Variants in DLGAP1 observed in about 807,000 individuals in gnomAD.
DLGAP1 encodes disks large-associated protein 1.
DLGAP1 carries 11 observed loss-of-function variants against 90.8 expected under a neutral mutation model. The ratio of observed to expected loss-of-function variants is 0.12; its 90% CI spans 0.08 to 0.20. DLGAP1 has a LOEUF of 0.20. DLGAP1 is among the 10% of genes least tolerant of loss of function. The probability of loss-of-function intolerance (pLI) is 1.00; values close to 1 mark genes in which losing one functional copy is unlikely to be tolerated. For missense variants in DLGAP1, 1,050 were observed against 1,333.8 expected (o/e 0.79, Z 3.31); for synonymous variants, 558 against 540.7 (o/e 1.03, Z -0.44).
chr18:3,520,702 GAA>G (rs1045871316), intron 10 of DLGAP1, among the ~76,000 whole-genome samples: 2 of 152,218 alleles, frequency 1.3e-5, no homozygotes, highest in Non-Finnish European at 2.9e-5. Context: ...AAAACTGTGA[GAA>G]AATTAATTTC....
intron 3 of DLGAP1, among the ~76,000 whole-genome samples, chr18:3,900,636 T>G (rs1249377448): frequency 6.6e-6 from 1 of 152,166 alleles, no homozygotes; most frequent in African/African-American, 2.4e-5. Context: ...AATAAATGGA[T>G]ACTCCAAGAC....
At chr18:4,453,675 C>A (rs1187155218) in intron 1 of DLGAP1, among the ~76,000 whole-genome samples, 1 of 152,196 alleles carries the variant, frequency 6.6e-6, no homozygotes, top group Non-Finnish European at 1.5e-5. Flanking sequence ...TCTATCCTCA[C>A]CTTCTACGAA....
At chr18:4,188,172 G>A (rs888555213) in intron 1 of DLGAP1, among the ~76,000 whole-genome samples, 25 of 151,642 alleles carry the variant, frequency 1.6e-4, no homozygotes, top group Admixed American at 1.1e-3. Flanking sequence ...TTGTATTTCC[G>A]TGCTCTAATT....
At chr18:3,592,877 AGAAAGAAAAAG>A (rs2056346196) in intron 7 of DLGAP1, among the ~76,000 whole-genome samples, 3 of 41,172 alleles carry the variant, frequency 7.3e-5, no homozygotes, top group African/African-American at 1.2e-4. Flanking sequence ...AGAAAAAGAA[AGAAAGAAAAAG>A]AAAAAGAAAA....
In DLGAP1 at chr18:3,729,166, G is replaced by A. The variant is rs757110877; in HGVS notation, c.1560C>T (p.Thr520=). ...SLRSSSPPRT[T]TTVRTIQSST... is the part of the protein sequence containing the mutation. ...TGCTCTGGATGGTCCTAACGGTGGTGGTGGTGCGCGGCGGCGAGGACGACC... is the reference window on the plus strand; with the variant it reads ...TGCTCTGGATGGTCCTAACGGTGGTAGTGGTGCGCGGCGGCGAGGACGACC... The change falls in exon 7 of 13, where the codon ACC becomes ACT. Residue 520 remains threonine (T), a synonymous_variant. Coordinates refer to ENST00000315677, the MANE Select transcript of DLGAP1 (RefSeq NM_004746.4). This position sits in a 1 kb window ranked among gnomAD's most constrained non-coding sequence, Gnocchi z 6.2. The A allele has an allele frequency of 6.2e-7, 1 of 1,613,128 alleles. No homozygotes were observed. Among genetic ancestry groups the A allele is most frequent in the Non-Finnish European group, 8.5e-7 (1 of 1,179,792 alleles).
intron 5 of DLGAP1, among the ~76,000 whole-genome samples, chr18:3,812,978 G>A (rs1432692893): frequency 1.3e-5 from 2 of 152,016 alleles, no homozygotes; most frequent in Non-Finnish European, 2.9e-5. Context: ...ATATTTTTCA[G>A]GTCCAAATGG....
At chr18:3,955,200 A>C (rs146932070) in intron 3 of DLGAP1, among the ~76,000 whole-genome samples, 1,673 of 152,284 alleles carry the variant, frequency 0.011, 97 homozygotes, top group Admixed American at 0.094. Flanking sequence ...TAGTGTGCTC[A>C]AAGACCTCTT....
intron 3 of DLGAP1, chr18:3,978,107 C>T (rs541571181): frequency 8.4e-5 from 37 of 438,380 alleles, no homozygotes; most frequent in South Asian, 5.8e-4. Context: ...GGACCATGGC[C>T]ATGAGTCCTT....
chr18:3,558,629 C>T (rs1448740759), intron 9 of DLGAP1, among the ~76,000 whole-genome samples: 5 of 152,086 alleles, frequency 3.3e-5, no homozygotes, highest in African/African-American at 1.2e-4. Context: ...TCATCTTTAT[C>T]CCTGATAATT....
chr18:3,702,144 C>T (rs1019274953), intron 7 of DLGAP1, among the ~76,000 whole-genome samples: 3 of 152,096 alleles, frequency 2.0e-5, no homozygotes, highest in Non-Finnish European at 2.9e-5. Flanking sequence ...CTTTGCCTCC[C>T]GGGTTCAAGC....
At chr18:4,215,880 G>C (rs2077943706) in intron 1 of DLGAP1, among the ~76,000 whole-genome samples, 1 of 152,082 alleles carries the variant, frequency 6.6e-6, no homozygotes, top group African/African-American at 2.4e-5. Context: ...TGGGTAGGAA[G>C]ATGCAGACTG....
chr18:3,933,602 C>T (rs2072567397), intron 3 of DLGAP1, among the ~76,000 whole-genome samples: 1 of 152,234 alleles, frequency 6.6e-6, no homozygotes, highest in South Asian at 2.1e-4. Context: ...AACACAGCAG[C>T]TTTCTGGCTG....
At chr18:4,400,845 G>A (rs2082539827) in intron 1 of DLGAP1, among the ~76,000 whole-genome samples, 1 of 152,148 alleles carries the variant, frequency 6.6e-6, no homozygotes. Context: ...CACCCTTTAA[G>A]AGCTCCTGCT....
intron 7 of DLGAP1, among the ~76,000 whole-genome samples, chr18:3,639,136 ATT>A (rs2058830437): frequency 6.6e-6 from 1 of 152,126 alleles, no homozygotes. Flanking sequence ...CAGGTGGATC[ATT>A]TGAGGTCAGG....
At chr18:4,439,335 T>C (rs768522578) in intron 1 of DLGAP1, among the ~76,000 whole-genome samples, 1 of 152,246 alleles carries the variant, frequency 6.6e-6, no homozygotes, top group Non-Finnish European at 1.5e-5. Flanking sequence ...AATAATCATT[T>C]AAAACTTTAA....
chr18:3,651,043 C>T (rs187679094), intron 7 of DLGAP1, among the ~76,000 whole-genome samples: 3 of 149,840 alleles, frequency 2.0e-5, no homozygotes, highest in African/African-American at 7.4e-5. Context: ...TCCAGCCTGG[C>T]GACAGAGCCA....
intron 1 of DLGAP1, among the ~76,000 whole-genome samples, chr18:4,282,281 A>G (rs1013597021): frequency 2.6e-5 from 4 of 151,470 alleles, no homozygotes; most frequent in Admixed American, 6.6e-5. Flanking sequence ...GGAGAATGGC[A>G]TGAACCTGGG....
chr18:3,979,266 A>G (rs1343170269), intron 3 of DLGAP1, among the ~76,000 whole-genome samples: 2 of 152,196 alleles, frequency 1.3e-5, no homozygotes, highest in African/African-American at 2.4e-5. Flanking sequence ...TAGATGCACA[A>G]ATATTTACCG....
intron 7 of DLGAP1, among the ~76,000 whole-genome samples, chr18:3,719,812 C>G (rs1445512379): frequency 6.6e-6 from 1 of 152,136 alleles, no homozygotes; most frequent in Non-Finnish European, 1.5e-5. Flanking sequence ...TTGTGATTCT[C>G]TGGCCATAAT....
Sources: allele counts gnomAD v4.1 joint callset (sites outside exome capture counted in the v4.1 genomes callset), GRCh38; gene constraint gnomAD v4.1.1; non-coding constraint Gnocchi (gnomAD v3.1); transcripts MANE v1.5; gene names NCBI Gene and HGNC (gene_info 2026-07-23, HGNC 2026-07-21).